MYRFL: variants seen among roughly 807,000 people sequenced by gnomAD.
The protein encoded by MYRFL is myelin regulatory factor like.
In MYRFL, 88 loss-of-function variants were observed where a neutral mutation model predicts 109.4. The observed-to-expected ratio is 0.80, with a 90% CI of 0.68 to 0.96. The LOEUF (loss-of-function observed/expected upper bound fraction) is 0.96. MYRFL is among the 40% of genes least tolerant of loss of function. The pLI is 0.00. For synonymous variants in MYRFL, 324 were observed against 320.9 expected (o/e 1.01, Z -0.10); for missense variants, 957 against 954.9 (o/e 1.00, Z -0.03).
At chr12:69,893,126 T>C (rs1318568211) in intron 7 of MYRFL, among the ~76,000 whole-genome samples, 1 of 152,204 alleles carries the variant, frequency 6.6e-6, no homozygotes, top group East Asian at 1.9e-4. Context: ...AGATACATAT[T>C]ATTAAAACTC....
intron 21 of MYRFL, among the ~76,000 whole-genome samples, chr12:69,953,205 T>A (rs1036454949): frequency 1.3e-5 from 2 of 152,148 alleles, no homozygotes; most frequent in African/African-American, 4.8e-5. Flanking sequence ...GCCAGTTAAT[T>A]TTATAGACAA....
intron 13 of MYRFL, among the ~76,000 whole-genome samples, chr12:69,921,200 G>A (rs1270370576): frequency 1.3e-5 from 2 of 152,150 alleles, no homozygotes; most frequent in Non-Finnish European, 2.9e-5. Context: ...ATGAATCCAA[G>A]CTTCTTTAAA....
At chr12:69,866,495 T>A (rs1885023559) in intron 2 of MYRFL, among the ~76,000 whole-genome samples, 1 of 152,176 alleles carries the variant, frequency 6.6e-6, no homozygotes, top group Non-Finnish European at 1.5e-5. Context: ...CATTTCATAG[T>A]TTCATATCAC....
intron 15 of MYRFL, among the ~76,000 whole-genome samples, chr12:69,931,147 A>C (rs1592853960): frequency 6.6e-6 from 1 of 152,302 alleles, no homozygotes. Flanking sequence ...CCATTTCTCT[A>C]TATTAGGTCA....
chr12:69,927,848 A>G (rs1026425578), intron 15 of MYRFL, 100 bp downstream of exon 15: 36 of 1,089,974 alleles, frequency 3.3e-5, no homozygotes, highest in Middle Eastern at 3.0e-4. Flanking sequence ...TTTGTTCAGA[A>G]AATCCCTAGT....
intron 2 of MYRFL, among the ~76,000 whole-genome samples, chr12:69,862,969 A>C (rs1272698574): frequency 6.6e-6 from 1 of 152,018 alleles, no homozygotes; most frequent in Non-Finnish European, 1.5e-5. Flanking sequence ...AGGGTTGTTG[A>C]ATTTTGTCAA....
At chr12:69,915,458 C>T (rs572398049) in intron 13 of MYRFL, among the ~76,000 whole-genome samples, 1 of 152,304 alleles carries the variant, frequency 6.6e-6, no homozygotes, top group Non-Finnish European at 1.5e-5. Context: ...TGCTATGTCA[C>T]TTCTGCAGGT....
At position 69,852,866 on chromosome 12, in the gene MYRFL, T is replaced by C. The variant is rs1399708617; in HGVS notation, c.47-2414T>C. On this transcript the variant is annotated intron_variant, in intron 1 of 24. Coordinates refer to ENST00000552032, the MANE Select transcript of MYRFL (RefSeq NM_182530.3). ...CGCCCTTAATCCATTTAACCCTGAG[T>C]TGACACAGCACATGTTTCAGAGAGC... Among the ~76,000 whole-genome samples the C allele has an allele frequency of 4.6e-5, 7 of 152,178 alleles. No homozygotes were observed. The East Asian group carries it at 1.2e-3, about 25-fold the overall frequency.
chr12:69,927,776 A>C, intron 15 of MYRFL, 28 bp downstream of exon 15: 1 of 1,504,094 alleles, frequency 6.6e-7, no homozygotes, highest in South Asian at 1.3e-5. Context: ...CAATGAAAGG[A>C]AATGATGTTT....
rs536029824 is a variant in MYRFL at position 69,868,900 on chromosome 12, G to A, written c.138-10128G>A. Among the ~76,000 whole-genome samples, 389 of 150,980 alleles carry A rather than the reference G, an allele frequency of 2.6e-3. 5 individuals carry two copies. The highest frequency in any genetic ancestry group is 7.9e-3 in the African/African-American group (323 of 41,066). ...CACACATGCACTCACACACACGTACGCACACGCGCACACACACATGTACTC... is the reference window on the plus strand; with the variant it reads ...CACACATGCACTCACACACACGTACACACACGCGCACACACACATGTACTC... On this transcript the variant is annotated intron_variant, in intron 2 of 24. Transcript: ENST00000552032.
At chr12:69,832,778 T>G (rs1882709715) in intron 1 of MYRFL, among the ~76,000 whole-genome samples, 1 of 151,978 alleles carries the variant, frequency 6.6e-6, no homozygotes, top group Non-Finnish European at 1.5e-5. Context: ...GGATTTTTAT[T>G]CTCAGTGTGG....
chr12:69,920,523 C>A (rs1481242183), intron 13 of MYRFL, among the ~76,000 whole-genome samples: 1 of 152,112 alleles, frequency 6.6e-6, no homozygotes, highest in Non-Finnish European at 1.5e-5. Flanking sequence ...AGTTATTAGT[C>A]TGTGCTGGAG....
chr12:69,915,333 T>C (rs1954698443), intron 13 of MYRFL, among the ~76,000 whole-genome samples: 1 of 152,184 alleles, frequency 6.6e-6, no homozygotes, highest in South Asian at 2.1e-4. Flanking sequence ...AGCCTCTCCA[T>C]TCTTCACTCC....
At chr12:69,849,512 A>G (rs943983092) in intron 1 of MYRFL, among the ~76,000 whole-genome samples, 2 of 152,332 alleles carry the variant, frequency 1.3e-5, no homozygotes, top group East Asian at 3.9e-4. Flanking sequence ...CTTCATGAAA[A>G]TACTTTGGAT....
chr12:69,927,654 A>G, intron 14 of MYRFL, 31 bp from the exon 15 acceptor site: 1 of 1,508,544 alleles, frequency 6.6e-7, no homozygotes, highest in Non-Finnish European at 8.9e-7. Context: ...GAGGTATTTG[A>G]ATAGTAACCA....
intron 10 of MYRFL, among the ~76,000 whole-genome samples, chr12:69,897,964 G>T: frequency 6.6e-6 from 1 of 152,232 alleles, no homozygotes; most frequent in East Asian, 1.9e-4. Flanking sequence ...AGCTGCAGCT[G>T]TGTGAGTTCA....
intron 16 of MYRFL, chr12:69,935,848 AGGGCTGGG>A (rs1184822828): frequency 2.2e-6 from 1 of 449,366 alleles, no homozygotes; most frequent in Admixed American, 4.0e-5. Flanking sequence ...ACAGCTTGCC[AGGGCTGGG>A]GGGCTGCTCT....
chr12:69,871,364 G>C (rs919784652), intron 2 of MYRFL, among the ~76,000 whole-genome samples: 1 of 151,684 alleles, frequency 6.6e-6, no homozygotes, highest in Non-Finnish European at 1.5e-5. Context: ...CGAGTAGCTG[G>C]AACTACAGGC....
At chr12:69,931,031 G>A (rs189607270) in intron 15 of MYRFL, among the ~76,000 whole-genome samples, 17 of 152,212 alleles carry the variant, frequency 1.1e-4, no homozygotes, top group African/African-American at 4.1e-4. Context: ...CCAAAAAGTA[G>A]GCAGGCATTA....
Sources: gnomAD v4.1 joint callset for allele counts (sites outside exome capture counted in the v4.1 genomes callset) on GRCh38, gnomAD v4.1.1 for gene constraint, MANE v1.5 for transcripts, NCBI Gene and HGNC (gene_info 2026-07-23, HGNC 2026-07-21) for gene names.